The following COL5A2 variants were observed in gnomAD, a reference collection of about 807,000 sequenced individuals.
COL5A2 encodes collagen type V alpha 2 chain.
Under a neutral mutation model 208.2 loss-of-function variants are expected in COL5A2, and 23 were observed. The observed-to-expected ratio is 0.11, with a 90% CI of 0.08 to 0.16. The LOEUF (loss-of-function observed/expected upper bound fraction) is 0.16. Ranked by LOEUF, COL5A2 falls within the 10% of genes least tolerant of loss-of-function variation. COL5A2 has a pLI of 1.00. For missense variants in COL5A2, 1,590 were observed against 1,956.4 expected (o/e 0.81, Z 3.53); for synonymous variants, 625 against 628.5 (o/e 0.99, Z 0.08).
intron 6 of COL5A2, chr2:189,096,235 TCTA>T (rs1686906098): frequency 6.6e-6 from 1 of 152,060 alleles, no homozygotes; most frequent in Admixed American, 6.6e-5. Flanking sequence ...AGGATAAAAA[TCTA>T]CTGAGAGTTT....
the COL5A2 span, among the ~76,000 whole-genome samples, chr2:189,246,690 G>A: frequency 6.6e-6 from 1 of 152,160 alleles, no homozygotes; most frequent in Admixed American, 6.5e-5. Context: ...TGAGAACGTG[G>A]TAAAATGTAA....
chr2:189,228,978 T>A (rs548976309), upstream of COL5A2, among the ~76,000 whole-genome samples: 1 of 151,872 alleles, frequency 6.6e-6, no homozygotes, highest in Non-Finnish European at 1.5e-5. Flanking sequence ...GCGAGATTTA[T>A]CCCTGGGATG....
intron 1 of COL5A2, among the ~76,000 whole-genome samples, chr2:189,131,369 T>A (rs2105753989): frequency 6.6e-6 from 1 of 152,240 alleles, no homozygotes; most frequent in East Asian, 1.9e-4. Context: ...ATCAAAAAGG[T>A]TTTTTTCTTC....
At chr2:189,253,514 T>G in the COL5A2 span, among the ~76,000 whole-genome samples, 1 of 152,226 alleles carries the variant, frequency 6.6e-6, no homozygotes, top group African/African-American at 2.4e-5. Context: ...AAGCATCATT[T>G]CCTCCCAGCT....
chr2:189,167,070 CAGAA>C, intron 1 of COL5A2, among the ~76,000 whole-genome samples: 1 of 152,146 alleles, frequency 6.6e-6, no homozygotes, highest in East Asian at 1.9e-4. Context: ...TTCCTTCAGA[CAGAA>C]AGGTGAATGA....
chr2:189,066,553 G>A, intron 22 of COL5A2, 56 bp from the exon 23 acceptor site: 1 of 1,558,282 alleles, frequency 6.4e-7, no homozygotes, highest in South Asian at 1.1e-5. Flanking sequence ...GTGAATTATA[G>A]TTGGAAGCCT....
chr2:189,127,343 C>T (rs76830019), intron 1 of COL5A2, among the ~76,000 whole-genome samples: 3,987 of 151,870 alleles, frequency 0.026, 187 homozygotes, highest in African/African-American at 0.092. Flanking sequence ...TTTGCCAACC[C>T]AAATCAAAAG....
chr2:189,263,687 T>C, the COL5A2 span, among the ~76,000 whole-genome samples: 2 of 152,266 alleles, frequency 1.3e-5, no homozygotes, highest in Admixed American at 1.3e-4. Context: ...ATCTTTTATA[T>C]CATATTTGTT....
At chr2:189,305,207 T>C in the COL5A2 span, among the ~76,000 whole-genome samples, 2 of 152,200 alleles carry the variant, frequency 1.3e-5, no homozygotes, top group Non-Finnish European at 2.9e-5. Flanking sequence ...AGTAGTGGCA[T>C]GTGAATAAAG....
intron 1 of COL5A2, among the ~76,000 whole-genome samples, chr2:189,113,808 A>G (rs1483861560): frequency 1.3e-5 from 2 of 151,578 alleles, no homozygotes; most frequent in Non-Finnish European, 2.9e-5. Flanking sequence ...GAGAATATGA[A>G]AAACAAAAAC....
intron 18 of COL5A2, 137 bp from the exon 19 acceptor site, chr2:189,069,021 G>A (rs945720323): frequency 7.1e-6 from 5 of 701,940 alleles, no homozygotes; most frequent in Admixed American, 6.2e-5. Flanking sequence ...AGAGATGCGT[G>A]CCCAACCAAG....
intron 52 of COL5A2, among the ~76,000 whole-genome samples, chr2:189,036,394 A>G (rs890068553): frequency 2.0e-5 from 3 of 152,186 alleles, no homozygotes; most frequent in Non-Finnish European, 4.4e-5. Flanking sequence ...TATTTCATCC[A>G]TGAGAAAATT....
At chr2:189,395,116 C>T in the COL5A2 span, among the ~76,000 whole-genome samples, 6 of 152,234 alleles carry the variant, frequency 3.9e-5, no homozygotes, top group East Asian at 5.8e-4. Context: ...CTAGATGATG[C>T]TATTAGAATA....
At chr2:189,253,105 A>G in the COL5A2 span, among the ~76,000 whole-genome samples, 1 of 152,206 alleles carries the variant, frequency 6.6e-6, no homozygotes, top group Non-Finnish European at 1.5e-5. Flanking sequence ...GAAACAGCTA[A>G]GAGAATATTG....
At chr2:189,375,551 T>G in the COL5A2 span, among the ~76,000 whole-genome samples, 5 of 152,172 alleles carry the variant, frequency 3.3e-5, no homozygotes, top group Non-Finnish European at 4.4e-5. Context: ...ATGTTTAAAC[T>G]CTTTCAGAGA....
chr2:189,052,702 A>G, intron 40 of COL5A2, 47 bp downstream of exon 40: 1 of 1,560,662 alleles, frequency 6.4e-7, no homozygotes, highest in Non-Finnish European at 8.8e-7. Context: ...AGCACTAGGT[A>G]ACTAGAATTA....
At chr2:189,274,314 T>C in the COL5A2 span, among the ~76,000 whole-genome samples, 1 of 152,090 alleles carries the variant, frequency 6.6e-6, no homozygotes, top group African/African-American at 2.4e-5. Flanking sequence ...TTATAGCAAG[T>C]ATATTGTACT....
rs767252151 is a variant in COL5A2 at position 189,092,414 on chromosome 2, G to A, written c.463C>T (p.Arg155Cys). The change falls in exon 7 of 54, where the codon CGT becomes TGT. Residue 155 changes from arginine to cysteine, a missense_variant. By Grantham distance (180) the Arg-to-Cys change is radical (BLOSUM62 -3). Coordinates refer to ENST00000374866, the MANE Select transcript of COL5A2 (RefSeq NM_000393.5). Reference protein sequence around the residue: ...ERGPKGRPGPRGPQGIDGEPG... With the variant: ...ERGPKGRPGPCGPQGIDGEPG... ...TCTCCATCAATTCCCTGAGGTCCAC[G>A]AGGGCCCTGGAAAACAAGCCAGTTA... 79 of 1,588,074 alleles carry A rather than the reference G, an allele frequency of 5.0e-5. No homozygotes were observed. The highest frequency in any genetic ancestry group is 3.3e-4 in the Middle Eastern group (2 of 6,038).
the COL5A2 span, among the ~76,000 whole-genome samples, chr2:189,344,755 C>A: frequency 1.3e-5 from 2 of 152,076 alleles, no homozygotes; most frequent in Non-Finnish European, 2.9e-5. Context: ...GGCTACTCTT[C>A]CTAGGCAATC....
Sources: allele counts gnomAD v4.1 joint callset (sites outside exome capture counted in the v4.1 genomes callset), GRCh38; gene constraint gnomAD v4.1.1; transcripts MANE v1.5; gene names NCBI Gene and HGNC (gene_info 2026-07-23, HGNC 2026-07-21).